The following EXOC3L4 variants were observed in gnomAD, a reference collection of about 807,000 sequenced individuals.
EXOC3L4 encodes exocyst complex component 3-like protein 4.
EXOC3L4 carries 62 observed loss-of-function variants against 69.7 expected under a neutral mutation model. That is an observed-to-expected ratio of 0.89 (90% CI 0.72 to 1.10). The LOEUF is 1.10. EXOC3L4 is among the 50% of genes least tolerant of loss of function. The pLI, the probability that EXOC3L4 is intolerant of heterozygous loss-of-function variation, is 0.00. For synonymous variants in EXOC3L4, 502 were observed against 464.2 expected, an observed-to-expected ratio of 1.08 and a Z score of -1.05; for missense variants, 1,087 against 1,034.8, an observed-to-expected ratio of 1.05 and a Z score of -0.69.
At position 103,110,463 on chromosome 14, in the gene EXOC3L4, G is replaced by A. The variant is rs1289130277; in HGVS notation, c.*240G>A. Reference sequence around the variant, plus strand: ...CGCAGAGCTCTCAATGCTGCCTATCGGGCGGGGGGGGGCCTCCCGCCCGAC... The same window carrying A: ...CGCAGAGCTCTCAATGCTGCCTATCAGGCGGGGGGGGGCCTCCCGCCCGAC... On this transcript the variant is annotated 3_prime_UTR_variant, in exon 12 of 12. Transcript: ENST00000688303. 2.4e-5 allele frequency: 14 copies of A among 577,672 alleles called. No homozygotes were observed. Among genetic ancestry groups the A allele is most frequent in the East Asian group, 1.6e-4 (5 of 30,448 alleles). The allele number at this position is 577,672 out of a possible 1,614,324, so 35.8% of individuals were successfully genotyped here.
At chr14:103,094,508 G>A (rs1889810541), upstream of EXOC3L4, among the ~76,000 whole-genome samples, 1 of 152,200 alleles carries the variant, frequency 6.6e-6, no homozygotes, top group African/African-American at 2.4e-5. Flanking sequence ...GACCCTGAGT[G>A]CCGAGCTCCG....
chr14:103,105,093 T>G (rs1351079342), intron 7 of EXOC3L4, 21 bp downstream of exon 7: 8 of 1,585,914 alleles, frequency 5.0e-6, no homozygotes, highest in Non-Finnish European at 6.9e-6. Flanking sequence ...CCCGCTCCTG[T>G]GCGGGCGCAG....
Position 103,106,963 on chromosome 14 carries a change from G to T in EXOC3L4, c.1581+64G>T, listed in dbSNP as rs1004773239. ...CAGCAGGCACCCCCTATTTCCTAGA[G>T]CCTGGGGGCCCAGGTCACAGCATTC... On this transcript the variant is annotated intron_variant, in intron 8 of 11. Transcript: ENST00000688303. 3 of 1,307,392 alleles carry T rather than the reference G, an allele frequency of 2.3e-6. No homozygotes were observed. The African/African-American group carries it at 4.5e-5, about 19-fold the overall frequency. 81.0% of individuals were successfully genotyped at this position (1,307,392 alleles called of 1,614,324 possible). A position where few individuals can be genotyped will look rare whatever the true frequency, so the allele number is the denominator to read the frequency against.
intron 2 of EXOC3L4, among the ~76,000 whole-genome samples, chr14:103,100,902 AT>A (rs34995113): frequency 2.6e-3 from 348 of 131,346 alleles, no homozygotes; most frequent in South Asian, 6.2e-3. Context: ...CACCCGGCTA[AT>A]TTTTTTTTTT....
At position 103,110,020 on chromosome 14, in the gene EXOC3L4, T is replaced by G; in HGVS notation, c.1977-11T>G. ...TGTAGGTCTGCAGTGAGTGCCCGCATGTCTCTGCAGGCGGGACCACATACT... is the reference window on the plus strand; with the variant it reads ...TGTAGGTCTGCAGTGAGTGCCCGCAGGTCTCTGCAGGCGGGACCACATACT... On this transcript the variant is annotated splice_polypyrimidine_tract_variant and intron_variant, in intron 11 of 11. Coordinates refer to ENST00000688303, the MANE Select transcript of EXOC3L4 (RefSeq NM_001077594.2). 6.3e-7 allele frequency: 1 copy of G among 1,583,070 alleles called. No individual in the cohort carries two copies. The highest frequency in any genetic ancestry group is 8.6e-7 in the Non-Finnish European group (1 of 1,166,368).
Position 103,105,091 on chromosome 14 carries a change from T to C in EXOC3L4, c.1466+19T>C. 6.3e-7 allele frequency: 1 copy of C among 1,587,232 alleles called. No homozygotes were observed. The highest frequency in any genetic ancestry group is 8.6e-7 in the Non-Finnish European group (1 of 1,164,446). On this transcript the variant is annotated intron_variant, in intron 7 of 11. Transcript: ENST00000688303. ...AGCTCAGGTAGGGCTCGCCCGCTCC[T>C]GTGCGGGCGCAGCGTGGCCAGCAGG...
At position 103,102,256 on chromosome 14, in the gene EXOC3L4, G is replaced by C. The variant is rs746720938; in HGVS notation, c.533G>C (p.Arg178Pro). 2.5e-6 allele frequency: 4 copies of C among 1,587,122 alleles called. No homozygotes were observed. The highest frequency in any genetic ancestry group is 2.3e-5 in the South Asian group (2 of 87,846). The part of the protein sequence containing the change: ...FEQDPTAFAR[R>P]AMDVCLLYDG... ...CAGGACCCTACGGCCTTCGCGCGGCGCGCTATGGACGTGTGCCTGCTTTAC... is the reference window on the plus strand; with the variant it reads ...CAGGACCCTACGGCCTTCGCGCGGCCCGCTATGGACGTGTGCCTGCTTTAC... The change falls in exon 3 of 12, where the codon CGC becomes CCC. Residue 178 changes from arginine (R) to proline (P), a missense_variant. Physicochemically the swap from Arg to Pro is moderately radical, Grantham distance 103. Coordinates refer to ENST00000688303, the MANE Select transcript of EXOC3L4 (RefSeq NM_001077594.2).
At position 103,109,922 on chromosome 14, in the gene EXOC3L4, A is replaced by G. The variant is rs1194247528; in HGVS notation, c.1977-109A>G. On this transcript the variant is annotated intron_variant, in intron 11 of 11. Coordinates refer to ENST00000688303, the MANE Select transcript of EXOC3L4 (RefSeq NM_001077594.2). ...AATCTGACCTCCCTGACCATCCTGG[A>G]ATGCAGAGTGACTCATACTAACTCC... 1.1e-5 allele frequency: 13 copies of G among 1,192,322 alleles called. No homozygotes were observed. The East Asian group carries it at 3.2e-4, about 29-fold the overall frequency. 73.9% of individuals were successfully genotyped at this position (1,192,322 alleles called of 1,614,324 possible).
Position 103,104,290 on chromosome 14 carries a change from C to T in EXOC3L4, c.1185C>T (p.Asp395=), listed in dbSNP as rs897619727. The change falls in exon 5 of 12, where the codon GAC becomes GAT. Residue 395 remains aspartate (D), a synonymous_variant. Transcript: ENST00000688303. ...FLEAKIASCF[D]SILQLEQSHW... is the part of the protein sequence containing the mutation. ...AGGCCAAGATCGCAAGCTGCTTCGA[C>T]AGCATCTTGCAGCTGGAGCAGAGTC... The T allele has an allele frequency of 8.8e-6, 14 of 1,595,592 alleles. No homozygotes were observed. In the Middle Eastern group the frequency reaches 6.2e-4, roughly 71 times the overall value.
rs933696477 is a variant in EXOC3L4, at chr14:103,102,551, C to G, written c.828C>G (p.Ala276=). 4 of 1,431,198 alleles carry G rather than the reference C, an allele frequency of 2.8e-6. No homozygotes were observed. In the African/African-American group the frequency reaches 6.0e-5, roughly 21 times the overall value. 88.7% of individuals were successfully genotyped at this position (1,431,198 alleles called of 1,614,324 possible). The change falls in exon 3 of 12, where the codon GCC becomes GCG. Residue 276 remains alanine (A), a synonymous_variant. Transcript: ENST00000688303. ...AGGCGGAGGGCGCGTCGGGTTTGGC[C>G]CAGCTTCTGGCCGAGCTGGGTGGCT... ...FGEAEGASGL[A]QLLAELGGLV...
intron 2 of EXOC3L4, 40 bp downstream of exon 2, chr14:103,100,653 G>C (rs376201244): frequency 1.3e-6 from 2 of 1,562,356 alleles, no homozygotes; most frequent in Non-Finnish European, 1.7e-6. Flanking sequence ...GAAAGGAAAC[G>C]GGCCAGAGGT....
intron 9 of EXOC3L4, 29 bp from the exon 10 acceptor site, chr14:103,107,602 G>C (rs1393848133): frequency 1.9e-6 from 3 of 1,602,154 alleles, no homozygotes; most frequent in Middle Eastern, 3.3e-4. Context: ...TGTTGACCCT[G>C]ACCCTGACCC....
chr14:103,110,499 C>T lies in EXOC3L4; in HGVS notation c.*276C>T. On this transcript the variant is annotated 3_prime_UTR_variant, in exon 12 of 12. Transcript: ENST00000688303. ...GGCCTCCCGCCCGACTGTCCAGCTT[C>T]ACCCTCCAGTCTGAAAGTGAAGAGC... 1 of 584,268 alleles carries T rather than the reference C, an allele frequency of 1.7e-6. No individual in the cohort carries two copies. Among genetic ancestry groups the T allele is most frequent in the East Asian group, 3.4e-5 (1 of 29,384 alleles). The allele number at this position is 584,268 out of a possible 1,614,324, so 36.2% of individuals were successfully genotyped here.
intron 7 of EXOC3L4, 81 bp downstream of exon 7, chr14:103,105,153 T>C (rs1890471008): frequency 2.8e-6 from 4 of 1,416,970 alleles, no homozygotes; most frequent in Non-Finnish European, 3.9e-6. Context: ...TGGAGGGGAG[T>C]GCGCGCGCGT....
At position 103,107,670 on chromosome 14, in the gene EXOC3L4, T is replaced by A. The variant is rs767915415; in HGVS notation, c.1741T>A (p.Tyr581Asn). 6.4e-7 allele frequency: 1 copy of A among 1,566,426 alleles called. No homozygotes were observed. The change falls in exon 10 of 12, where the codon TAC becomes AAC. Residue 581 changes from tyrosine (Y) to asparagine (N), a missense_variant. Tyr to Asn is a moderately radical substitution (Grantham distance 143). Coordinates refer to ENST00000688303, the MANE Select transcript of EXOC3L4 (RefSeq NM_001077594.2). The stretch of plus-strand genomic sequence containing the variant: ...GGTGCACCGGTTCGTGGTCCGCGAG[T>A]ACCTGGCGCGGGCGCTGAGGCCACG... ...QEVHRFVVREYLARALRPRER... is the reference protein window; with the variant it reads ...QEVHRFVVRENLARALRPRER...
chr14:103,104,831 G>C lies in EXOC3L4; in HGVS notation c.1378G>C (p.Val460Leu). The C allele has an allele frequency of 1.3e-6, 2 of 1,503,430 alleles. No homozygotes were observed. The highest frequency in any genetic ancestry group is 1.8e-6 in the Non-Finnish European group (2 of 1,118,828). 93.1% of individuals were successfully genotyped at this position (1,503,430 alleles called of 1,614,324 possible). A position where few individuals can be genotyped will look rare whatever the true frequency, so the allele number is the denominator to read the frequency against. The change falls in exon 6 of 12, where the codon GTG (valine) becomes CTG (leucine). Residue 460 changes from valine to leucine, a missense_variant. Coordinates refer to ENST00000688303, the MANE Select transcript of EXOC3L4 (RefSeq NM_001077594.2). ...RICTRALGLF[V>L]PRFEKAFLAS... ...CTGCACGCGGGCGCTCGGCCTCTTC[G>C]TGCCCAGGTGCGGACGCATCCTCAG... is the stretch of plus-strand genomic sequence containing the variant.
rs546372281 is a variant in EXOC3L4 at position 103,100,688 on chromosome 14, G to A, written c.394+75G>A. On this transcript the variant is annotated intron_variant, in intron 2 of 11. Coordinates refer to ENST00000688303, the MANE Select transcript of EXOC3L4 (RefSeq NM_001077594.2). ...TCAGGGCAGCTCAGCTGAGGTTTCC[G>A]GAAAGGCTGTCCTCCCTAGCTCCCC... 18 of 1,476,126 alleles carry A rather than the reference G, an allele frequency of 1.2e-5. No homozygotes were observed. The East Asian group carries it at 1.7e-4, about 14-fold the overall frequency. The allele number at this position is 1,476,126 out of a possible 1,614,324, so 91.4% of individuals were successfully genotyped here.
At position 103,110,064 on chromosome 14, in the gene EXOC3L4, C is replaced by G. The variant is rs1257521450; in HGVS notation, c.2010C>G (p.Arg670=). ...RDHILAILAL[R]RLGRQRNQHL... is the part of the protein sequence containing the mutation. Reference sequence around the variant, plus strand: ...ACATACTGGCCATTCTGGCGCTGCGCCGACTGGGCCGCCAGCGGAACCAGC... The same window carrying G: ...ACATACTGGCCATTCTGGCGCTGCGGCGACTGGGCCGCCAGCGGAACCAGC... The change falls in exon 12 of 12, where the codon CGC becomes CGG. Residue 670 remains arginine, a synonymous_variant. Coordinates refer to ENST00000688303, the MANE Select transcript of EXOC3L4 (RefSeq NM_001077594.2). 2.5e-6 allele frequency: 4 copies of G among 1,600,756 alleles called. No homozygotes were observed. The African/African-American group carries it at 5.3e-5, about 21-fold the overall frequency.
At chr14:103,104,097 C>G (rs758584978) in intron 4 of EXOC3L4, 45 bp downstream of exon 4, 4 of 1,490,610 alleles carry the variant, frequency 2.7e-6, no homozygotes, top group African/African-American at 2.8e-5. Context: ...CTGGAGGGGG[C>G]GGGCCCTGGG....
Sources: gnomAD v4.1 joint callset for allele counts (sites outside exome capture counted in the v4.1 genomes callset) on GRCh38, gnomAD v4.1.1 for gene constraint, MANE v1.5 for transcripts, NCBI Gene and HGNC (gene_info 2026-07-23, HGNC 2026-07-21) for gene names.